The following TTLL8 variants were observed in gnomAD, a reference collection of about 807,000 sequenced individuals.
TTLL8 encodes protein monoglycylase TTLL8.
A neutral mutation model predicts 77.8 loss-of-function variants in TTLL8; 65 were observed. The observed-to-expected ratio is 0.84, with a 90% CI of 0.68 to 1.03. The LOEUF is 1.03. Ranked by LOEUF, TTLL8 falls within the 50% of genes least tolerant of loss-of-function variation. TTLL8 has a pLI of 0.00. For synonymous variants in TTLL8, 402 were observed against 422.8 expected, an observed-to-expected ratio of 0.95 and a Z score of 0.60; for missense variants, 910 against 1,004.5, an observed-to-expected ratio of 0.91 and a Z score of 1.27.
At chr22:50,021,586 TGTGCACTCCTCCATCTGACGAC>T (rs2061200566) in intron 12 of TTLL8, among the ~76,000 whole-genome samples, 3 of 128,796 alleles carry the variant, frequency 2.3e-5, no homozygotes, top group Admixed American at 7.7e-5. Flanking sequence ...CTCCATCTGA[TGTGCACTCCTCCATCTGACGAC>T]GTGCACTCCT....
At chr22:50,045,012 C>T (rs535332698) in intron 6 of TTLL8, among the ~76,000 whole-genome samples, 1 of 152,296 alleles carries the variant, frequency 6.6e-6, no homozygotes, top group South Asian at 2.1e-4. Context: ...GAGTGTGGGA[C>T]TCGGACGTCC....
At chr22:50,049,126 G>T (rs1022485385) in intron 3 of TTLL8, 123 bp downstream of exon 5, 23 of 1,307,494 alleles carry the variant, frequency 1.8e-5, no homozygotes, top group Non-Finnish European at 2.3e-5. Context: ...TGCTGTGACT[G>T]GGGCTTTGCC....
chr22:50,053,591 AAG>A (rs2061455640), intron 1 of TTLL8, among the ~76,000 whole-genome samples: 1 of 152,242 alleles, frequency 6.6e-6, no homozygotes, highest in East Asian at 1.9e-4. Context: ...TATACATTTA[AAG>A]GTTTCAGAAG....
chr22:50,050,082 C>G (rs1435351228), intron 2 of TTLL8, 27 bp downstream of exon 4: 1 of 1,363,474 alleles, frequency 7.3e-7, no homozygotes, highest in Non-Finnish European at 9.8e-7. Context: ...ACGCCCTGAG[C>G]TGAGACGTGC....
At position 50,020,865 on chromosome 22, in the gene TTLL8, C is replaced by T. The variant is rs370703480; in HGVS notation, c.2204-4303G>A. Among the ~76,000 whole-genome samples the T allele has an allele frequency of 2.2e-3, 293 of 132,300 alleles. 4 individuals are homozygous for T. In the East Asian group the frequency reaches 0.054, roughly 24 times the overall value. 86.8% of individuals were successfully genotyped at this position (132,300 alleles called of 152,430 possible). A position where few individuals can be genotyped will look rare whatever the true frequency, so the allele number is the denominator to read the frequency against. On this transcript the variant is annotated intron_variant, in intron 12 of 13. Coordinates refer to ENST00000266182, the Ensembl canonical transcript of TTLL8. ...CAACGTGCACTCCTACATCTGACGA[C>T]GTGCACTCCTCCATCTGACGTGCAC...
chr22:50,043,639 A>T lies in TTLL8; in HGVS notation c.643+1616T>A, dbSNP rs558891376. On this transcript the variant is annotated intron_variant, in intron 6 of 13. Coordinates refer to ENST00000266182, the Ensembl canonical transcript of TTLL8. ...GACGTGTCCTTCAGTAGATGGATAG[A>T]TAAATAAACAGTGGTAGATCTAGAC... is the stretch of plus-strand genomic sequence containing the variant. 1.7e-4 allele frequency among the ~76,000 whole-genome samples: 26 copies of T among 152,280 alleles called. No individual in the cohort carries two copies. In the East Asian group the frequency reaches 2.1e-3, roughly 12 times the overall value.
chr22:50,033,462 C>T lies in TTLL8; in HGVS notation c.1040-17G>A, dbSNP rs1038178382. The T allele has an allele frequency of 7.4e-7, 1 of 1,353,402 alleles. No homozygotes were observed. The highest frequency in any genetic ancestry group is 1.1e-5 in the South Asian group (1 of 87,704). 83.8% of individuals were successfully genotyped at this position (1,353,402 alleles called of 1,614,324 possible). A position where few individuals can be genotyped will look rare whatever the true frequency, so the allele number is the denominator to read the frequency against. ...ACACTATGTCTGCAAGAGGCCACCGCTCAACCCAGCATGCACAGCCACTGT... is the reference window on the plus strand; with the variant it reads ...ACACTATGTCTGCAAGAGGCCACCGTTCAACCCAGCATGCACAGCCACTGT... On this transcript the variant is annotated splice_polypyrimidine_tract_variant and intron_variant, in intron 9 of 13. Coordinates refer to ENST00000266182, the Ensembl canonical transcript of TTLL8.
At chr22:50,022,534 GC>G (rs2061210715) in intron 12 of TTLL8, among the ~76,000 whole-genome samples, 2 of 150,478 alleles carry the variant, frequency 1.3e-5, no homozygotes, top group Non-Finnish European at 2.9e-5. Context: ...CATCTGACAT[GC>G]ATTCCTCCAT....
chr22:50,042,517 C>T (rs1024342873), intron 6 of TTLL8, among the ~76,000 whole-genome samples: 20 of 152,058 alleles, frequency 1.3e-4, no homozygotes, highest in Non-Finnish European at 2.6e-4. Flanking sequence ...AGTCACCTCA[C>T]CAAAAAATAT....
chr22:50,055,128 CG>C, upstream of TTLL8: 1 of 1,198,192 alleles, frequency 8.3e-7, no homozygotes, highest in Non-Finnish European at 1.1e-6. Context: ...GGCTGCAGCT[CG>C]GGGGCACAGT....
At chr22:50,047,213 G>A in exon 4 of TTLL8, 1 of 1,367,626 alleles carries the variant, frequency 7.3e-7, no homozygotes, top group Non-Finnish European at 9.8e-7. Context: ...TCAGCATCTG[G>A]TCGTAGGTCA....
Position 50,041,683 on chromosome 22 carries a change from G to A in TTLL8, c.768C>T (p.Ala256=), listed in dbSNP as rs768652215. ...ACTCGGCCTCAGTGAGGTCCTCCACGGCATCTGCTGACGTGTCGATGTCCT... is the reference window on the plus strand; with the variant it reads ...ACTCGGCCTCAGTGAGGTCCTCCACAGCATCTGCTGACGTGTCGATGTCCT... The change falls in exon 7 of 14, where the codon GCC becomes GCT. Residue 256 remains alanine, a synonymous_variant. Coordinates refer to ENST00000266182, the Ensembl canonical transcript of TTLL8. This position sits in a 1 kb window ranked among gnomAD's most constrained non-coding sequence, Gnocchi z 4.3. The A allele has an allele frequency of 1.5e-5, 21 of 1,366,934 alleles. No homozygotes were observed. The highest frequency in any genetic ancestry group is 4.5e-5 in the East Asian group (1 of 21,988). The allele number at this position is 1,366,934 out of a possible 1,614,324, so 84.7% of individuals were successfully genotyped here. A position where few individuals can be genotyped will look rare whatever the true frequency, so the allele number is the denominator to read the frequency against.
chr22:50,050,029 C>A, intron 2 of TTLL8, 80 bp downstream of exon 4: 1 of 1,303,280 alleles, frequency 7.7e-7, no homozygotes, highest in Non-Finnish European at 1.0e-6. Flanking sequence ...GCAGGCACCA[C>A]ACTCAGGCCG....
In TTLL8 at chr22:50,044,997, G is replaced by T. The variant is rs1174863345; in HGVS notation, c.643+258C>A. 1.3e-5 allele frequency among the ~76,000 whole-genome samples: 2 copies of T among 152,168 alleles called. No individual in the cohort carries two copies. The highest frequency in any genetic ancestry group is 1.3e-4 in the Admixed American group (2 of 15,280). ...ACCACGTCCGCGGCACAGGACTGTGGCAGTGAGTGTGGGACTCGGACGTCC... is the reference window on the plus strand; with the variant it reads ...ACCACGTCCGCGGCACAGGACTGTGTCAGTGAGTGTGGGACTCGGACGTCC... On this transcript the variant is annotated intron_variant, in intron 6 of 13. Coordinates refer to ENST00000266182, the Ensembl canonical transcript of TTLL8. This position sits in a 1 kb window ranked among gnomAD's most constrained non-coding sequence, Gnocchi z 4.2.
Position 50,025,202 on chromosome 22 carries a change from T to C in TTLL8, c.2203+5228A>G, listed in dbSNP as rs138423462. On this transcript the variant is annotated intron_variant, in intron 12 of 13. Coordinates refer to ENST00000266182, the Ensembl canonical transcript of TTLL8. The stretch of plus-strand genomic sequence containing the variant: ...TACATACCGCATGCCTGCATCATCA[T>C]ATTTCACGTAACCCACAAATATATA... 2.7e-5 allele frequency among the ~76,000 whole-genome samples: 4 copies of C among 149,222 alleles called. No individual in the cohort carries two copies. In the East Asian group the frequency reaches 7.9e-4, roughly 29 times the overall value.
At position 50,044,061 on chromosome 22, in the gene TTLL8, A is replaced by C. The variant is rs914008228; in HGVS notation, c.643+1194T>G. 2.0e-5 allele frequency among the ~76,000 whole-genome samples: 3 copies of C among 152,220 alleles called. No homozygotes were observed. Among genetic ancestry groups the C allele is most frequent in the African/African-American group, 7.2e-5 (3 of 41,454 alleles). On this transcript the variant is annotated intron_variant, in intron 6 of 13. Coordinates refer to ENST00000266182, the Ensembl canonical transcript of TTLL8. The surrounding 1 kb of genome is among the most constrained non-coding windows in gnomAD (Gnocchi z 4.2). The stretch of plus-strand genomic sequence containing the variant: ...TTAATTAGGCCAGGTACGGTGGATC[A>C]AGCCTGTAATCCCAGCACTGTGGGA...
At chr22:50,045,229 C>A (rs769103196) in intron 6 of TTLL8, 26 bp downstream of exon 8, 16 of 1,344,080 alleles carry the variant, frequency 1.2e-5, no homozygotes, top group Non-Finnish European at 1.4e-5. Flanking sequence ...GGTGGCCTGG[C>A]ACTGCCCTGC....
rs1457597497 is a variant in TTLL8 at position 50,034,298 on chromosome 22, A to G, written c.1039+47T>C. On this transcript the variant is annotated intron_variant, in intron 9 of 13. Transcript: ENST00000266182. The surrounding 1 kb of genome is among the most constrained non-coding windows in gnomAD (Gnocchi z 4.1). ...CCCTCACTCACGGCTCCTGGCATCA[A>G]GTGTGGCCGTTGGTGGCTATGAACG... is the stretch of plus-strand genomic sequence containing the variant. 1 of 1,333,908 alleles carries G rather than the reference A, an allele frequency of 7.5e-7. No individual in the cohort carries two copies. The highest frequency in any genetic ancestry group is 1.5e-5 in the African/African-American group (1 of 67,020). The allele number at this position is 1,333,908 out of a possible 1,614,324, so 82.6% of individuals were successfully genotyped here.
chr22:50,027,893 G>A (rs539760646), intron 12 of TTLL8, among the ~76,000 whole-genome samples: 5 of 152,372 alleles, frequency 3.3e-5, no homozygotes, highest in African/African-American at 9.6e-5. Context: ...ACGCTCGTAC[G>A]CACGGGTTGG....
Sources: allele counts gnomAD v4.1 joint callset (sites outside exome capture counted in the v4.1 genomes callset), GRCh38; gene constraint gnomAD v4.1.1; non-coding constraint Gnocchi (gnomAD v3.1); transcripts MANE v1.5; gene names NCBI Gene and HGNC (gene_info 2026-07-23, HGNC 2026-07-21).